Variants in CNGB3 observed in about 807,000 individuals in gnomAD.
CNGB3 encodes the protein cyclic nucleotide gated channel subunit beta 3, also known as cyclic nucleotide-gated channel beta-3.
In CNGB3, 86 loss-of-function variants were observed where a neutral mutation model predicts 92.8. The ratio of observed to expected loss-of-function variants is 0.93; its 90% CI spans 0.78 to 1.11. CNGB3 has a LOEUF of 1.11. CNGB3 is among the 50% of genes least tolerant of loss of function. The pLI is 0.00. For missense variants in CNGB3, 1,026 were observed against 956.8 expected, an observed-to-expected ratio of 1.07 and a Z score of -0.95; for synonymous variants, 333 against 332.7, an observed-to-expected ratio of 1.00 and a Z score of -0.01.
At chr8:86,661,641 G>T in intron 6 of CNGB3, 1 of 836,170 alleles carries the variant, frequency 1.2e-6, no homozygotes. Context: ...ATCTTACAGT[G>T]ATTTAAGTAT....
chr8:86,700,120 CT>C (rs113087971), intron 3 of CNGB3, among the ~76,000 whole-genome samples: 3,524 of 152,216 alleles, frequency 0.023, 124 homozygotes, highest in African/African-American at 0.079. Context: ...ATTTCCAAAA[CT>C]AATTACTGCA....
chr8:86,699,457 T>G (rs1170826436), intron 3 of CNGB3, among the ~76,000 whole-genome samples: 2 of 152,120 alleles, frequency 1.3e-5, no homozygotes, highest in Non-Finnish European at 2.9e-5. Flanking sequence ...GGCAACATAG[T>G]GAGACCCCAT....
chr8:86,602,034 A>G (rs557059607), intron 15 of CNGB3, among the ~76,000 whole-genome samples: 1 of 152,344 alleles, frequency 6.6e-6, no homozygotes, highest in Admixed American at 6.5e-5. Flanking sequence ...TTGTATTTAT[A>G]AAGCTTATTC....
chr8:86,688,814 TCTGA>T (rs375799365), intron 3 of CNGB3, among the ~76,000 whole-genome samples: 239 of 152,140 alleles, frequency 1.6e-3, no homozygotes, highest in Middle Eastern at 6.8e-3. Flanking sequence ...TTATTTCTGC[TCTGA>T]CTATTTGTTT....
intron 3 of CNGB3, among the ~76,000 whole-genome samples, chr8:86,718,522 A>AT (rs1156705685): frequency 7.2e-5 from 11 of 152,282 alleles, no homozygotes; most frequent in African/African-American, 2.6e-4. Flanking sequence ...TAAAATGGTA[A>AT]TAAAAAAATT....
chr8:86,679,081 C>G (rs1824031291), intron 3 of CNGB3, among the ~76,000 whole-genome samples: 1 of 151,964 alleles, frequency 6.6e-6, no homozygotes, highest in Non-Finnish European at 1.5e-5. Context: ...TACAATGTTC[C>G]TGAAAATTGG....
At chr8:86,706,107 A>C (rs999930938) in intron 3 of CNGB3, among the ~76,000 whole-genome samples, 19 of 152,222 alleles carry the variant, frequency 1.2e-4, no homozygotes, top group African/African-American at 4.3e-4. Context: ...TTCATAATGT[A>C]GTTTATATTC....
chr8:86,689,507 A>AT (rs1164758626), intron 3 of CNGB3, among the ~76,000 whole-genome samples: 2 of 148,996 alleles, frequency 1.3e-5, no homozygotes, highest in East Asian at 2.0e-4. Context: ...TTATATATAT[A>AT]TATTTTTTTT....
At chr8:86,732,553 C>G (rs1435876186) in intron 2 of CNGB3, among the ~76,000 whole-genome samples, 1 of 152,196 alleles carries the variant, frequency 6.6e-6, no homozygotes, top group East Asian at 1.9e-4. Flanking sequence ...CTGTCTCAGT[C>G]TGAAAGCCTC....
At chr8:86,664,434 G>T (rs1267752776) in intron 6 of CNGB3, among the ~76,000 whole-genome samples, 1 of 152,204 alleles carries the variant, frequency 6.6e-6, no homozygotes, top group Non-Finnish European at 1.5e-5. Context: ...GATATTGGAG[G>T]ACATGTTCTG....
rs1403185444 is a variant in CNGB3, at chr8:86,658,404, T to C, written c.853-4342A>G. On this transcript the variant is annotated intron_variant, in intron 6 of 17. Coordinates refer to ENST00000320005, the MANE Select transcript of CNGB3 (RefSeq NM_019098.5). ...CATGAGGGTCAGCTGGGCCTGTGGCTGCTACTTCTGCTGGCTGGTAGCTTC... is the reference window on the plus strand; with the variant it reads ...CATGAGGGTCAGCTGGGCCTGTGGCCGCTACTTCTGCTGGCTGGTAGCTTC... The C allele has an allele frequency of 7.0e-6, 3 of 427,458 alleles. No individual in the cohort carries two copies. The East Asian group carries it at 1.7e-4, about 24-fold the overall frequency. 26.5% of individuals were successfully genotyped at this position (427,458 alleles called of 1,614,324 possible).
At chr8:86,630,745 G>A (rs868786983) in intron 11 of CNGB3, among the ~76,000 whole-genome samples, 21 of 152,158 alleles carry the variant, frequency 1.4e-4, no homozygotes, top group African/African-American at 4.1e-4. Flanking sequence ...ATGATGGCAC[G>A]CACCTGTAGT....
At chr8:86,622,825 G>A (rs1226740317) in intron 13 of CNGB3, among the ~76,000 whole-genome samples, 3 of 152,234 alleles carry the variant, frequency 2.0e-5, no homozygotes, top group African/African-American at 7.2e-5. Context: ...TTTAAATTTT[G>A]TAATACATTT....
At chr8:86,608,436 C>A (rs541691849) in intron 14 of CNGB3, among the ~76,000 whole-genome samples, 1 of 152,212 alleles carries the variant, frequency 6.6e-6, no homozygotes, top group Non-Finnish European at 1.5e-5. Flanking sequence ...GAACAACACC[C>A]GCTACTTAGC....
At chr8:86,734,256 G>C (rs763395098) in intron 2 of CNGB3, among the ~76,000 whole-genome samples, 1 of 152,166 alleles carries the variant, frequency 6.6e-6, no homozygotes, top group Non-Finnish European at 1.5e-5. Flanking sequence ...GGCTATGTCA[G>C]TTTGGAGAGA....
At chr8:86,605,547 A>G (rs983621064) in intron 14 of CNGB3, among the ~76,000 whole-genome samples, 4 of 152,238 alleles carry the variant, frequency 2.6e-5, no homozygotes, top group African/African-American at 9.6e-5. Context: ...CTCATTAACC[A>G]TACTTTGAAA....
At chr8:86,624,442 A>T (rs1822804621) in intron 13 of CNGB3, among the ~76,000 whole-genome samples, 1 of 151,998 alleles carries the variant, frequency 6.6e-6, no homozygotes, top group African/African-American at 2.4e-5. Context: ...AAATAAGTAA[A>T]TAAAGTCTAC....
intron 3 of CNGB3, among the ~76,000 whole-genome samples, chr8:86,717,561 C>CAAAAAA (rs35692774): frequency 8.4e-6 from 1 of 119,610 alleles, no homozygotes. Flanking sequence ...GACTCTGTCT[C>CAAAAAA]AAAAAAAAAA....
At chr8:86,701,272 C>G (rs928439121) in intron 3 of CNGB3, among the ~76,000 whole-genome samples, 1 of 152,084 alleles carries the variant, frequency 6.6e-6, no homozygotes, top group African/African-American at 2.4e-5. Flanking sequence ...AGAGTATAAA[C>G]TGGAACTTCA....
Sources: gnomAD v4.1 joint callset for allele counts (sites outside exome capture counted in the v4.1 genomes callset) on GRCh38, gnomAD v4.1.1 for gene constraint, MANE v1.5 for transcripts, NCBI Gene and HGNC (gene_info 2026-07-23, HGNC 2026-07-21) for gene names.